The following COL25A1 variants were observed in gnomAD, a reference collection of about 807,000 sequenced individuals.
The protein encoded by COL25A1 is collagen alpha-1(XXV) chain.
Under a neutral mutation model 128.4 loss-of-function variants are expected in COL25A1, and 103 were observed. The observed-to-expected ratio is 0.80, with a 90% CI of 0.68 to 0.94. COL25A1 has a LOEUF of 0.94. COL25A1 is among the 40% of genes least tolerant of loss of function. The pLI is 0.00. For missense variants in COL25A1, 745 were observed against 840.0 expected (o/e 0.89, Z 1.40); for synonymous variants, 279 against 277.2 (o/e 1.01, Z -0.06).
intron 35 of COL25A1, among the ~76,000 whole-genome samples, chr4:108,821,879 A>G (rs1379371051): frequency 2.0e-5 from 3 of 151,986 alleles, no homozygotes; most frequent in Non-Finnish European, 2.9e-5. Flanking sequence ...ATTTAGAACC[A>G]ATTTTTGTAA....
rs76028486 is a variant in COL25A1 at position 109,209,244 on chromosome 4, T to A, written c.367+91339A>T. Among the ~76,000 whole-genome samples the A allele has an allele frequency of 8.5e-5, 13 of 152,290 alleles. No homozygotes were observed. In the East Asian group the frequency reaches 2.3e-3, roughly 27 times the overall value. On this transcript the variant is annotated intron_variant, in intron 3 of 37. Transcript: ENST00000399132. ...AGAATAAGCTAGTATCTATTTCTAT[T>A]TCCAAAAGCAGATGAAACTAATCAC...
At chr4:109,065,573 TG>T (rs1762377877) in intron 3 of COL25A1, among the ~76,000 whole-genome samples, 1 of 151,672 alleles carries the variant, frequency 6.6e-6, no homozygotes, top group Non-Finnish European at 1.5e-5. Flanking sequence ...TGTGTGTGTG[TG>T]TGTGTGTGCA....
intron 22 of COL25A1, 135 bp from the exon 23 acceptor site, chr4:108,861,106 C>A: frequency 3.0e-6 from 2 of 675,116 alleles, no homozygotes; most frequent in Non-Finnish European, 5.2e-6. Context: ...CAACCACCAC[C>A]AAAATAGCAA....
chr4:108,901,522 CTT>C (rs1431124883), intron 13 of COL25A1, among the ~76,000 whole-genome samples: 6 of 152,134 alleles, frequency 3.9e-5, no homozygotes, highest in African/African-American at 1.4e-4. Flanking sequence ...TGGCAAAAAA[CTT>C]TTAAGTGATT....
At chr4:108,833,020 C>T (rs1733354389) in intron 31 of COL25A1, among the ~76,000 whole-genome samples, 1 of 37,180 alleles carries the variant, frequency 2.7e-5, no homozygotes, top group South Asian at 9.5e-4. Flanking sequence ...TCACTTTGCC[C>T]CATAATCTTA....
chr4:109,157,321 A>G (rs1003309652), intron 3 of COL25A1, among the ~76,000 whole-genome samples: 1 of 152,224 alleles, frequency 6.6e-6, no homozygotes, highest in African/African-American at 2.4e-5. Flanking sequence ...ACTAAAACCC[A>G]AAGAACATAT....
intron 3 of COL25A1, among the ~76,000 whole-genome samples, chr4:109,060,492 A>C (rs1761864590): frequency 6.6e-6 from 1 of 152,086 alleles, no homozygotes; most frequent in Admixed American, 6.6e-5. Flanking sequence ...AAATCATAGC[A>C]TCTGTTTCAT....
chr4:109,112,733 A>G (rs1205585186), intron 3 of COL25A1, among the ~76,000 whole-genome samples: 2 of 152,174 alleles, frequency 1.3e-5, no homozygotes, highest in African/African-American at 4.8e-5. Context: ...ATAATTACAG[A>G]GCAAAGTGAA....
chr4:109,198,960 A>C (rs1776336484), intron 3 of COL25A1, among the ~76,000 whole-genome samples: 1 of 152,260 alleles, frequency 6.6e-6, no homozygotes, highest in Non-Finnish European at 1.5e-5. Context: ...AATCTAAATA[A>C]GACCCTATTG....
intron 8 of COL25A1, among the ~76,000 whole-genome samples, chr4:108,955,766 G>A (rs1012327959): frequency 1.3e-5 from 2 of 152,016 alleles, no homozygotes; most frequent in African/African-American, 4.8e-5. Flanking sequence ...GACAATAAAT[G>A]TGAATAGTTG....
chr4:109,036,613 A>G (rs12648799), intron 5 of COL25A1, among the ~76,000 whole-genome samples: 25,311 of 152,196 alleles, frequency 0.17, 3,231 homozygotes, highest in East Asian at 0.46. Flanking sequence ...AAGGATATAT[A>G]TAGGGCATAT....
At chr4:108,948,259 T>C (rs1749007984) in intron 8 of COL25A1, among the ~76,000 whole-genome samples, 1 of 152,194 alleles carries the variant, frequency 6.6e-6, no homozygotes, top group Non-Finnish European at 1.5e-5. Flanking sequence ...TGGTATAATT[T>C]ATCTGTCTGA....
At chr4:109,070,706 G>GC (rs1268848205) in intron 3 of COL25A1, among the ~76,000 whole-genome samples, 5 of 118,116 alleles carry the variant, frequency 4.2e-5, no homozygotes, top group South Asian at 2.8e-4. Context: ...CCCACAACAG[G>GC]CCCGGTGTGT....
chr4:109,092,960 G>A (rs1026881095), intron 3 of COL25A1, among the ~76,000 whole-genome samples: 7 of 151,386 alleles, frequency 4.6e-5, no homozygotes, highest in African/African-American at 1.7e-4. Context: ...AAGGTTAAAT[G>A]TACTATTGCC....
At chr4:108,835,293 T>C (rs1411454970) in intron 31 of COL25A1, among the ~76,000 whole-genome samples, 1 of 152,188 alleles carries the variant, frequency 6.6e-6, no homozygotes, top group Admixed American at 6.5e-5. Flanking sequence ...TTATTTATAG[T>C]CCTTTAAAAA....
At chr4:109,109,516 A>C (rs1460463771) in intron 3 of COL25A1, among the ~76,000 whole-genome samples, 1 of 152,188 alleles carries the variant, frequency 6.6e-6, no homozygotes, top group East Asian at 1.9e-4. Flanking sequence ...TACAGGTGGC[A>C]TGAGCCACTG....
chr4:109,148,706 C>G (rs1771186640), intron 3 of COL25A1, among the ~76,000 whole-genome samples: 1 of 152,196 alleles, frequency 6.6e-6, no homozygotes, highest in African/African-American at 2.4e-5. Flanking sequence ...TTTTCATGCT[C>G]TGGTGGCTCC....
chr4:108,947,224 A>C (rs1456296057), intron 8 of COL25A1, among the ~76,000 whole-genome samples: 1 of 152,076 alleles, frequency 6.6e-6, no homozygotes, highest in Non-Finnish European at 1.5e-5. Flanking sequence ...CGGGCAGATC[A>C]CAAGGTCAGG....
intron 3 of COL25A1, among the ~76,000 whole-genome samples, chr4:109,211,864 ATAT>A (rs1165280658): frequency 6.6e-6 from 1 of 152,060 alleles, no homozygotes; most frequent in Non-Finnish European, 1.5e-5. Flanking sequence ...CCAATGTGTA[ATAT>A]TATTTCACAA....
Sources: allele counts gnomAD v4.1 joint callset (sites outside exome capture counted in the v4.1 genomes callset), GRCh38; gene constraint gnomAD v4.1.1; transcripts MANE v1.5; gene names NCBI Gene and HGNC (gene_info 2026-07-23, HGNC 2026-07-21).